Variants in CCDC197 observed in about 807,000 individuals in gnomAD.
The protein encoded by CCDC197 is coiled-coil domain containing 197.
A neutral mutation model predicts 13.4 loss-of-function variants in CCDC197; 24 were observed. The ratio of observed to expected loss-of-function variants is 1.80; its 90% CI spans 1.30 to 2.53. The LOEUF (loss-of-function observed/expected upper bound fraction) is 2.53, where lower values mean the gene tolerates loss of function less well. Among genes scored for constraint, CCDC197 ranks in the 30% most tolerant of loss-of-function variants. CCDC197 has a pLI of 0.00. For missense variants in CCDC197, 255 were observed against 148.8 expected (o/e 1.71, Z -3.71); for synonymous variants, 99 against 55.5 (o/e 1.78, Z -3.48).
At chr14:93,987,521 T>C (rs12433368) in intron 1 of CCDC197, 3,422 of 152,808 alleles carry the variant, frequency 0.022, 132 homozygotes, top group African/African-American at 0.078. Context: ...TCCATCTGTG[T>C]CTGGCCTGTT....
At chr14:94,007,930 G>C (rs945344951) in intron 6 of CCDC197, among the ~76,000 whole-genome samples, 2 of 152,198 alleles carry the variant, frequency 1.3e-5, no homozygotes, top group African/African-American at 4.8e-5. Flanking sequence ...GCAGTACCGA[G>C]GCTGCTGCAT....
At chr14:93,991,781 A>G (rs1890215786) in intron 1 of CCDC197, among the ~76,000 whole-genome samples, 1 of 152,282 alleles carries the variant, frequency 6.6e-6, no homozygotes, top group Admixed American at 6.5e-5. Context: ...ACCAGAGGGA[A>G]AGAGTGCTAT....
At chr14:93,999,071 C>T (rs1204118042) in intron 2 of CCDC197, among the ~76,000 whole-genome samples, 1 of 152,230 alleles carries the variant, frequency 6.6e-6, no homozygotes, top group Non-Finnish European at 1.5e-5. Flanking sequence ...TAGCACGTGG[C>T]CGCCTCCCCT....
At chr14:94,004,258 G>A (rs907171080) in intron 5 of CCDC197, among the ~76,000 whole-genome samples, 1 of 152,166 alleles carries the variant, frequency 6.6e-6, no homozygotes, top group Non-Finnish European at 1.5e-5. Context: ...CCGGGACTGC[G>A]GGAGGACAGT....
At chr14:94,011,451 C>T (rs1368221130), downstream of CCDC197, among the ~76,000 whole-genome samples, 1 of 152,242 alleles carries the variant, frequency 6.6e-6, no homozygotes, top group Non-Finnish European at 1.5e-5. Flanking sequence ...AGCTCCCAGC[C>T]TCCCCTGGGC....
downstream of CCDC197, among the ~76,000 whole-genome samples, chr14:94,010,627 G>A (rs1433583585): frequency 6.6e-6 from 1 of 152,228 alleles, no homozygotes; most frequent in East Asian, 1.9e-4. Flanking sequence ...GAAGGAAGAG[G>A]CTGCACTAAA....
chr14:93,997,549 T>C lies in CCDC197; in HGVS notation c.-156T>C, dbSNP rs1890355990. The C allele has an allele frequency of 6.6e-6, 1 of 152,618 alleles. No homozygotes were observed. Among genetic ancestry groups the C allele is most frequent in the Admixed American group, 6.5e-5 (1 of 15,356 alleles). The allele number at this position is 152,618 out of a possible 1,614,324, so 9.5% of individuals were successfully genotyped here. Reference sequence around the variant, plus strand: ...ACCATGAGCTTCTTCAAGGCATCTCTTCTCAGTCTCCACTGTAGCTCTGTA... The same window carrying C: ...ACCATGAGCTTCTTCAAGGCATCTCCTCTCAGTCTCCACTGTAGCTCTGTA... On this transcript the variant is annotated 5_prime_UTR_variant, in exon 1 of 7. Transcript: ENST00000636493.
At chr14:93,999,913 A>C (rs1333755766) in intron 3 of CCDC197, among the ~76,000 whole-genome samples, 1 of 152,222 alleles carries the variant, frequency 6.6e-6, no homozygotes, top group Non-Finnish European at 1.5e-5. Context: ...TGATTTTCTT[A>C]TCTGTACAAT....
At chr14:94,002,851 CAAA>C (rs759127379) in intron 4 of CCDC197, among the ~76,000 whole-genome samples, 24 of 108,060 alleles carry the variant, frequency 2.2e-4, no homozygotes, top group Admixed American at 5.8e-4. Context: ...GAGACTGTCT[CAAA>C]AAAAAAAAAA....
At chr14:93,998,746 G>A (rs1016146808) in intron 2 of CCDC197, among the ~76,000 whole-genome samples, 3 of 152,242 alleles carry the variant, frequency 2.0e-5, no homozygotes, top group Admixed American at 6.5e-5. Context: ...ATCCCAATAC[G>A]GTTTAGCACT....
chr14:93,995,424 C>T (rs572465738), upstream of CCDC197, among the ~76,000 whole-genome samples: 3 of 152,306 alleles, frequency 2.0e-5, no homozygotes, highest in East Asian at 1.9e-4. Context: ...TGGACCTATC[C>T]GGAGCTGGGG....
At position 94,008,797 on chromosome 14, in the gene CCDC197, C is replaced by T. The variant is rs1178146573; in HGVS notation, c.804C>T (p.Cys268=). Reference sequence around the variant, plus strand: ...TTCCCAGCCCCCATGCTTCAGAGTGCTCCGGCCTGTACTGACCAGCCTGCG... The same window carrying T: ...TTCCCAGCCCCCATGCTTCAGAGTGTTCCGGCCTGTACTGACCAGCCTGCG... ...TPFPSPHASE[C]SGLY is the part of the protein sequence containing the mutation. The change falls in exon 7 of 7, where the codon TGC becomes TGT. Residue 268 remains cysteine (C), a synonymous_variant. Transcript: ENST00000636493. 1 of 702,444 alleles carries T rather than the reference C, an allele frequency of 1.4e-6. No individual in the cohort carries two copies. The allele number at this position is 702,444 out of a possible 1,614,324, so 43.5% of individuals were successfully genotyped here. A position where few individuals can be genotyped will look rare whatever the true frequency, so the allele number is the denominator to read the frequency against.
At chr14:93,991,108 A>G (rs1202891205) in intron 1 of CCDC197, among the ~76,000 whole-genome samples, 1 of 152,186 alleles carries the variant, frequency 6.6e-6, no homozygotes, top group African/African-American at 2.4e-5. Context: ...TTTAATAGGA[A>G]GAGACTTTCT....
chr14:93,994,882 C>T (rs913612931), upstream of CCDC197, among the ~76,000 whole-genome samples: 1 of 152,180 alleles, frequency 6.6e-6, no homozygotes, highest in African/African-American at 2.4e-5. Flanking sequence ...AGAACAGCCT[C>T]CCGCTGTGGG....
In CCDC197 at chr14:94,003,330, C is replaced by T. The variant is rs758447919; in HGVS notation, c.474C>T (p.Asp158=). The T allele has an allele frequency of 1.3e-4, 94 of 742,768 alleles. No homozygotes were observed. Among genetic ancestry groups the T allele is most frequent in the Non-Finnish European group, 2.1e-4 (82 of 394,760 alleles). 46.0% of individuals were successfully genotyped at this position (742,768 alleles called of 1,614,324 possible). ...SITYQKDIDF[D]THTSSSYNDQ... ...CTTACCAGAAGGACATTGACTTTGACACACACACCAGCAGCAGCTATAATG... is the reference window on the plus strand; with the variant it reads ...CTTACCAGAAGGACATTGACTTTGATACACACACCAGCAGCAGCTATAATG... Residue 158 remains aspartate (D), a synonymous_variant, in exon 5 of 7, where the codon GAC becomes GAT. Transcript: ENST00000636493. The surrounding 1 kb of genome is among the most constrained non-coding windows in gnomAD (Gnocchi z 5.0).
At chr14:93,992,192 C>T (rs749182675) in intron 1 of CCDC197, among the ~76,000 whole-genome samples, 2 of 152,180 alleles carry the variant, frequency 1.3e-5, no homozygotes, top group Non-Finnish European at 2.9e-5. Flanking sequence ...CGCTTTAAGA[C>T]GAGCTCTCTC....
At chr14:94,004,730 G>A (rs982443720) in intron 5 of CCDC197, 125 bp from the exon 6 acceptor site, 11 of 615,170 alleles carry the variant, frequency 1.8e-5, no homozygotes, top group Admixed American at 5.0e-5. Context: ...AGACCATGAT[G>A]AGAAGGACAC....
chr14:93,989,739 C>A lies in CCDC197; in HGVS notation c.-107+2343C>A, dbSNP rs531796009. Among the ~76,000 whole-genome samples, 48 of 152,314 alleles carry A rather than the reference C, an allele frequency of 3.2e-4. 1 individual carries two copies. The highest frequency in any genetic ancestry group is 3.1e-3 in the Admixed American group (47 of 15,310). ...TCTTAGAGGGTCTTTGCTGAACCAG[C>A]CCCGATGTGCTGTAGGTTAGAAGCC... On this transcript the variant is annotated intron_variant, in intron 1 of 7. Transcript: ENST00000640978.
upstream of CCDC197, among the ~76,000 whole-genome samples, chr14:93,993,575 G>A (rs772471711): frequency 2.6e-5 from 4 of 152,236 alleles, no homozygotes; most frequent in African/African-American, 7.2e-5. Flanking sequence ...GTCAATGGCT[G>A]AGGAAGGGCC....
Sources: allele counts gnomAD v4.1 joint callset (sites outside exome capture counted in the v4.1 genomes callset), GRCh38; gene constraint gnomAD v4.1.1; non-coding constraint Gnocchi (gnomAD v3.1); transcripts MANE v1.5; gene names NCBI Gene and HGNC (gene_info 2026-07-23, HGNC 2026-07-21).